Variants in ABCC10 observed in about 807,000 individuals in gnomAD.
The protein encoded by ABCC10 is ATP binding cassette subfamily C member 10, also known as ATP-binding cassette sub-family C member 10.
Under a neutral mutation model 143.2 loss-of-function variants are expected in ABCC10, and 110 were observed. That is an observed-to-expected ratio of 0.77 (90% CI 0.66 to 0.90). The LOEUF is 0.90. Ranked by LOEUF, ABCC10 falls within the 40% of genes least tolerant of loss-of-function variation. The pLI, the probability that ABCC10 is intolerant of heterozygous loss-of-function variation, is 0.00. For missense variants in ABCC10, 1,700 were observed against 1,900.5 expected, an observed-to-expected ratio of 0.89 and a Z score of 1.96; for synonymous variants, 805 against 846.7, an observed-to-expected ratio of 0.95 and a Z score of 0.85.
Position 43,450,115 on chromosome 6 carries a change from T to C in ABCC10, c.*24T>C. The C allele has an allele frequency of 1.9e-6, 3 of 1,567,502 alleles. No individual in the cohort carries two copies. Among genetic ancestry groups the C allele is most frequent in the Non-Finnish European group, 2.6e-6 (3 of 1,154,472 alleles). ...GAGCCCAATCCCACACCCTGCAGAG[T>C]TCTCCCCTCTCTCTGATCCAGGCCG... On this transcript the variant is annotated 3_prime_UTR_variant, in exon 22 of 22. Transcript: ENST00000372530. This position sits in a 1 kb window ranked among gnomAD's most constrained non-coding sequence, Gnocchi z 4.5.
In ABCC10 at chr6:43,444,816, C is replaced by G. The variant is rs777811380; in HGVS notation, c.2718C>G (p.Leu906=). ...QATRNAADWW[L]SHWISQLKAE... is the part of the protein sequence containing the mutation. Reference sequence around the variant, plus strand: ...CGCGGAACGCTGCTGACTGGTGGCTCTCCCACTGGATCTCTCAGCTGAAGG... The same window carrying G: ...CGCGGAACGCTGCTGACTGGTGGCTGTCCCACTGGATCTCTCAGCTGAAGG... Residue 906 remains leucine, a synonymous_variant, in exon 13 of 22, where the codon CTC becomes CTG. Coordinates refer to ENST00000372530, the MANE Select transcript of ABCC10 (RefSeq NM_001198934.2). 8.1e-6 allele frequency: 13 copies of G among 1,609,686 alleles called. No homozygotes were observed. The highest frequency in any genetic ancestry group is 1.1e-5 in the Non-Finnish European group (13 of 1,178,142).
chr6:43,440,918 CAA>C (rs10715690), intron 8 of ABCC10, among the ~76,000 whole-genome samples: 10,240 of 137,410 alleles, frequency 0.075, 501 homozygotes, highest in Admixed American at 0.11. Flanking sequence ...CTCTTCTCTA[CAA>C]AAAAAAAAAA....
intron 2 of ABCC10, chr6:43,431,863 T>TAA: frequency 7.8e-7 from 1 of 1,279,324 alleles, no homozygotes; most frequent in South Asian, 2.6e-5. Context: ...GTCTGTGGTT[T>TAA]AAAAAAAAAC....
downstream of ABCC10, among the ~76,000 whole-genome samples, chr6:43,451,640 G>A (rs1562212885): frequency 6.6e-6 from 1 of 152,138 alleles, no homozygotes; most frequent in African/African-American, 2.4e-5. This position sits in a 1 kb window ranked among gnomAD's most constrained non-coding sequence, Gnocchi z 4.4. Flanking sequence ...GTTCAGGAGA[G>A]GATGAGGAGA....
At chr6:43,435,489 T>C (rs1781588416) in intron 4 of ABCC10, among the ~76,000 whole-genome samples, 1 of 151,818 alleles carries the variant, frequency 6.6e-6, no homozygotes, top group African/African-American at 2.4e-5. Context: ...GCCGAGATTA[T>C]GCCACTGCAC....
At chr6:43,435,019 C>T (rs766871278) in intron 4 of ABCC10, 171 bp downstream of exon 4, 8 of 643,874 alleles carry the variant, frequency 1.2e-5, no homozygotes, top group Non-Finnish European at 1.9e-5. Context: ...GATATATAAC[C>T]CTCCCCTCTG....
intron 6 of ABCC10, among the ~76,000 whole-genome samples, chr6:43,437,247 C>T (rs1385185456): frequency 6.6e-6 from 1 of 152,020 alleles, no homozygotes; most frequent in African/African-American, 2.4e-5. Context: ...GGGACCTGAT[C>T]CCAAATTCCC....
At chr6:43,447,154 T>C (rs1783183033) in intron 16 of ABCC10, 94 bp from the exon 17 acceptor site, 1 of 1,466,532 alleles carries the variant, frequency 6.8e-7, no homozygotes, top group South Asian at 1.3e-5. Context: ...CCTCTGTTGC[T>C]TCCTTTAAAT....
intron 4 of ABCC10, among the ~76,000 whole-genome samples, chr6:43,435,532 GA>G (rs1428197455): frequency 1.3e-3 from 194 of 145,514 alleles, no homozygotes; most frequent in South Asian, 0.011. Context: ...GACTCGTCAA[GA>G]AAAAAAAAAA....
rs144560804 is a variant in ABCC10 at position 43,437,996 on chromosome 6, C to A, written c.1938C>A (p.Ile646=). The A allele has an allele frequency of 1.4e-5, 22 of 1,612,646 alleles. No individual in the cohort carries two copies. Among genetic ancestry groups the A allele is most frequent in the Non-Finnish European group, 1.7e-5 (20 of 1,179,474 alleles). The part of the protein sequence containing the change: ...GCGKSSLLAA[I]AGELHRLRGH... ...GGAAGAGCTCCCTGCTGGCTGCCAT[C>A]GCTGGAGAGCTCCACAGGTAACCAA... is the stretch of plus-strand genomic sequence containing the variant. Residue 646 remains isoleucine, a synonymous_variant, in exon 7 of 22, where the codon ATC becomes ATA. Coordinates refer to ENST00000372530, the MANE Select transcript of ABCC10 (RefSeq NM_001198934.2).
intron 16 of ABCC10, chr6:43,446,903 A>C (rs1783147612): frequency 1.9e-6 from 2 of 1,059,002 alleles, no homozygotes; most frequent in Admixed American, 4.9e-5. Context: ...GCTGGAGTGC[A>C]GTGGCACGAT....
Position 43,435,905 on chromosome 6 carries a change from C to T in ABCC10, c.1763C>T (p.Pro588Leu). Residue 588 changes from proline to leucine, a missense_variant and splice_region_variant, in exon 5 of 22, where the codon CCA becomes CTA. Transcript: ENST00000372530. Reference sequence around the variant, plus strand: ...CACAACCCCCAGGCCTACTACAGCCCAGGTAATGGGAAGCTAGTGGGCAGA... The same window carrying T: ...CACAACCCCCAGGCCTACTACAGCCTAGGTAATGGGAAGCTAGTGGGCAGA... ...PNHNPQAYYS[P>L]DPPAEPSTVL... The T allele has an allele frequency of 6.2e-7, 1 of 1,614,092 alleles. No homozygotes were observed. Among genetic ancestry groups the T allele is most frequent in the East Asian group, 2.2e-5 (1 of 44,886 alleles).
At chr6:43,436,113 C>T in intron 5 of ABCC10, 25 bp from the exon 6 acceptor site, 1 of 1,613,960 alleles carries the variant, frequency 6.2e-7, no homozygotes, top group Non-Finnish European at 8.5e-7. Context: ...ATTAGGAGCC[C>T]AAATCAAGTG....
intron 2 of ABCC10, chr6:43,431,804 T>C: frequency 8.8e-7 from 1 of 1,140,820 alleles, no homozygotes; most frequent in Non-Finnish European, 1.1e-6. Context: ...ATTTTTTTTT[T>C]CCTAGTTAGT....
rs1783066934 is a variant in ABCC10, at chr6:43,446,321, G to A, written c.3419G>A (p.Cys1140Tyr). 6.2e-7 allele frequency: 1 copy of A among 1,613,990 alleles called. No homozygotes were observed. The highest frequency in any genetic ancestry group is 1.7e-5 in the Admixed American group (1 of 60,004). The change falls in exon 16 of 22, where the codon TGC (cysteine) becomes TAC (tyrosine). Residue 1140 changes from cysteine (C) to tyrosine (Y), a missense_variant. Cys to Tyr is a radical substitution (Grantham distance 194). Transcript: ENST00000372530. Reference protein sequence around the residue: ...NLRLLELNQRCQFATSATMQW... With the variant: ...NLRLLELNQRYQFATSATMQW... ...CGACTCCTTGAGCTAAACCAGAGGT[G>A]CCAGTTTGCCACCAGTGCCACAATG...
chr6:43,451,460 A>T (rs959015931), downstream of ABCC10, among the ~76,000 whole-genome samples: 1 of 152,226 alleles, frequency 6.6e-6, no homozygotes, highest in Admixed American at 6.5e-5. This position sits in a 1 kb window ranked among gnomAD's most constrained non-coding sequence, Gnocchi z 4.4. Context: ...GTTGAGTGAA[A>T]TAATCAATGT....
At position 43,441,895 on chromosome 6, in the gene ABCC10, G is replaced by T. The variant is rs775063196; in HGVS notation, c.2161G>T (p.Glu721Ter). The T allele has an allele frequency of 6.2e-7, 1 of 1,613,878 alleles. No homozygotes were observed. The stretch of plus-strand genomic sequence containing the variant: ...TGCTGGAGACCAGACAGAGGTGGGG[G>T]AGAAGGGTGTCACCCTTAGCGGAGG... ...LPAGDQTEVG[E>*]KGVTLSGGQR... is the part of the protein sequence containing the mutation. Residue 721 changes from glutamate (E) to a stop codon, truncating the protein, a stop_gained, in exon 9 of 22, where the codon GAG (glutamate) becomes TAG (stop). Coordinates refer to ENST00000372530, the MANE Select transcript of ABCC10 (RefSeq NM_001198934.2). LOFTEE classifies it high-confidence loss of function.
At chr6:43,446,822 A>T in intron 16 of ABCC10, 3 of 1,113,160 alleles carry the variant, frequency 2.7e-6, no homozygotes, top group Non-Finnish European at 3.3e-6. Flanking sequence ...AGGTCCTATC[A>T]CCCTCCTGCT....
chr6:43,427,634 C>CT lies in ABCC10; in HGVS notation c.-122dup, dbSNP rs79196551. The CT allele has an allele frequency of 0.023, 7,303 of 312,190 alleles. No homozygotes were observed. The highest frequency in any genetic ancestry group is 0.042 in the Middle Eastern group (39 of 928). 19.3% of individuals were successfully genotyped at this position (312,190 alleles called of 1,614,324 possible). ...GGCCCAGCACCCCGGCCGGGCAGTA[C>CT]TTTTTTTTTTTTTGCATACACCAGT... On this transcript the variant is annotated 5_prime_UTR_variant, in exon 1 of 22. Coordinates refer to ENST00000372530, the MANE Select transcript of ABCC10 (RefSeq NM_001198934.2).
Sources: allele counts gnomAD v4.1 joint callset (sites outside exome capture counted in the v4.1 genomes callset), GRCh38; gene constraint gnomAD v4.1.1; non-coding constraint Gnocchi (gnomAD v3.1); transcripts MANE v1.5; gene names NCBI Gene and HGNC (gene_info 2026-07-23, HGNC 2026-07-21).